Variants in MADD observed in about 807,000 individuals in gnomAD.
MADD encodes the protein MAP kinase activating death domain, also known as MAP kinase-activating death domain protein.
Under a neutral mutation model 176.7 loss-of-function variants are expected in MADD, and 109 were observed. The ratio of observed to expected loss-of-function variants is 0.62; its 90% CI spans 0.53 to 0.72. The LOEUF is 0.72. Ranked by LOEUF, MADD falls within the 30% of genes least tolerant of loss-of-function variation. MADD has a pLI of 0.00. For synonymous variants in MADD, 771 were observed against 771.3 expected, an observed-to-expected ratio of 1.00 and a Z score of 0.01; for missense variants, 1,914 against 2,045.5, an observed-to-expected ratio of 0.94 and a Z score of 1.24.
intron 22 of MADD, among the ~76,000 whole-genome samples, chr11:47,301,258 G>A (rs899828570): frequency 6.6e-6 from 1 of 151,754 alleles, no homozygotes; most frequent in African/African-American, 2.4e-5. Context: ...GATTACAGGT[G>A]CCCACCACCA....
intron 25 of MADD, among the ~76,000 whole-genome samples, chr11:47,311,388 A>G (rs1223543178): frequency 6.6e-6 from 1 of 152,134 alleles, no homozygotes; most frequent in African/African-American, 2.4e-5. Flanking sequence ...ACTCTAAGTC[A>G]TTGTTTCTGA....
chr11:47,301,029 T>TC (rs1229435979), intron 22 of MADD, among the ~76,000 whole-genome samples: 35 of 140,612 alleles, frequency 2.5e-4, no homozygotes, highest in African/African-American at 9.3e-4. Context: ...ACTCTCTCTC[T>TC]TTTTTTTTTT....
At chr11:47,277,539 C>T (rs1003377108) in intron 5 of MADD, among the ~76,000 whole-genome samples, 4 of 152,164 alleles carry the variant, frequency 2.6e-5, no homozygotes, top group African/African-American at 7.2e-5. Context: ...TTAGGTGATC[C>T]GCCTGCCTCA....
intron 7 of MADD, among the ~76,000 whole-genome samples, chr11:47,280,584 A>G (rs1210070095): frequency 6.6e-6 from 1 of 152,140 alleles, no homozygotes; most frequent in Non-Finnish European, 1.5e-5. Flanking sequence ...ATTTATTTTG[A>G]GATGGAGTCC....
At chr11:47,318,877 G>C (rs866273991) in intron 27 of MADD, among the ~76,000 whole-genome samples, 9 of 128,626 alleles carry the variant, frequency 7.0e-5, no homozygotes, top group South Asian at 5.1e-4. Flanking sequence ...GTACAATCTT[G>C]GTTCACTGCA....
In MADD at chr11:47,324,331, A is replaced by T; in HGVS notation, c.4429A>T (p.Lys1477Ter). Residue 1477 changes from lysine (K) to a stop codon, truncating the protein, a stop_gained, in exon 29 of 33, where the codon AAA becomes TAA. Transcript: ENST00000402192. LOFTEE classifies it high-confidence loss of function. ...CGCTGCCGCCCGACAGCAAAGCATC[A>T]AACCCGGTGAGGAGAGTTTTTCCTG... 1 of 1,614,178 alleles carries T rather than the reference A, an allele frequency of 6.2e-7. No individual in the cohort carries two copies. The highest frequency in any genetic ancestry group is 8.5e-7 in the Non-Finnish European group (1 of 1,180,020).
At chr11:47,322,762 T>C (rs1018577066) in intron 27 of MADD, among the ~76,000 whole-genome samples, 7 of 152,234 alleles carry the variant, frequency 4.6e-5, no homozygotes, top group Non-Finnish European at 8.8e-5. Flanking sequence ...TTTTTAAAAA[T>C]ATTTTTATAG....
At chr11:47,270,381 G>C (rs964822291) in intron 1 of MADD, 135 bp downstream of exon 1, 2 of 151,660 alleles carry the variant, frequency 1.3e-5, no homozygotes, top group African/African-American at 4.8e-5. Flanking sequence ...GAAGGGGCGT[G>C]GGGACGGGGG....
Position 47,284,431 on chromosome 11 carries a change from G to C in MADD, c.2023G>C (p.Glu675Gln), listed in dbSNP as rs142457717. The change falls in exon 12 of 33, where the codon GAG becomes CAG. Residue 675 changes from glutamate (E) to glutamine (Q), a missense_variant. By Grantham distance (29) the Glu-to-Gln change is conservative. Around this residue, in one of 2 missense-constraint regions of MADD, gnomAD observed 1,767 missense variants for 1,836.0 expected, o/e 0.96. Coordinates refer to ENST00000402192, the Ensembl canonical transcript of MADD. ...GGATGCCAGCGAGGTGGAGATTGAC[G>C]AGCTGCAGAATCAGAAGGAAGCAGA... The C allele has an allele frequency of 3.7e-6, 6 of 1,614,108 alleles. No homozygotes were observed. The South Asian group carries it at 6.6e-5, about 18-fold the overall frequency.
rs555779294 is a variant in MADD, at chr11:47,288,286, C to G, written c.2654-1105C>G. 3.3e-5 allele frequency among the ~76,000 whole-genome samples: 5 copies of G among 152,262 alleles called. No homozygotes were observed. The South Asian group carries it at 1.0e-3, about 32-fold the overall frequency. On this transcript the variant is annotated intron_variant, in intron 15 of 32. Transcript: ENST00000402192. ...CCTGGACGACAGAGTGAAACCCTGT[C>G]TCTAAAAGAAGCCAACAGAAACAAA...
At chr11:47,327,031 T>A (rs1386416584) in intron 31 of MADD, 1 of 1,304,080 alleles carries the variant, frequency 7.7e-7, no homozygotes, top group Non-Finnish European at 9.8e-7. Flanking sequence ...CTCAGGTGGG[T>A]TTCGAGTTTA....
chr11:47,307,268 C>A (rs139601176), intron 22 of MADD, among the ~76,000 whole-genome samples: 74 of 152,118 alleles, frequency 4.9e-4, no homozygotes, highest in African/African-American at 1.7e-3. Context: ...GTTTTAATTC[C>A]AAATGTATTA....
chr11:47,311,565 T>C (rs1019947490), intron 25 of MADD, among the ~76,000 whole-genome samples, 167 bp from the exon 29 acceptor site: 1 of 152,188 alleles, frequency 6.6e-6, no homozygotes, highest in Admixed American at 6.5e-5. Flanking sequence ...CTTCCCCTCA[T>C]GGTGGCAGAA....
At chr11:47,281,023 G>T (rs1202446762) in intron 7 of MADD, among the ~76,000 whole-genome samples, 1 of 152,176 alleles carries the variant, frequency 6.6e-6, no homozygotes, top group Non-Finnish European at 1.5e-5. Flanking sequence ...ATTGAATCGG[G>T]ATCTGCATTT....
rs201340507 is a variant in MADD at position 47,276,218 on chromosome 11, C to T, written c.963+16C>T. ...AGAGCACAAGGTGAGAGGCAAGCTT[C>T]CTAGACCTTTCTAGGGGAGAAACTC... is the stretch of plus-strand genomic sequence containing the variant. On this transcript the variant is annotated intron_variant, in intron 4 of 32. Coordinates refer to ENST00000402192, the Ensembl canonical transcript of MADD. 3 of 1,584,294 alleles carry T rather than the reference C, an allele frequency of 1.9e-6. No homozygotes were observed. Among genetic ancestry groups the T allele is most frequent in the Middle Eastern group, 1.7e-4 (1 of 5,922 alleles).
chr11:47,289,824 CA>C, intron 16 of MADD, 42 bp from the exon 18 acceptor site: 1 of 1,605,078 alleles, frequency 6.2e-7, no homozygotes, highest in African/African-American at 1.3e-5. Context: ...GGGTGCTCTG[CA>C]AAGGAGCTGA....
chr11:47,310,693 G>T (rs2087925092), intron 25 of MADD, among the ~76,000 whole-genome samples: 1 of 101,258 alleles, frequency 9.9e-6, no homozygotes, highest in African/African-American at 3.9e-5. Flanking sequence ...ATCACCTGAG[G>T]TCAGGAGTTC....
At chr11:47,300,885 G>A (rs1424756629) in intron 22 of MADD, among the ~76,000 whole-genome samples, 1 of 152,016 alleles carries the variant, frequency 6.6e-6, no homozygotes, top group Non-Finnish European at 1.5e-5. Context: ...TTGGTAGGTT[G>A]TCTATGTCTA....
exon 28 of MADD, chr11:47,323,783 T>C (rs1222733778): frequency 6.2e-7 from 1 of 1,614,170 alleles, no homozygotes; most frequent in South Asian, 1.1e-5. Flanking sequence ...GTGTTGTGCT[T>C]GTGGCGTAGA....
Sources: allele counts gnomAD v4.1 joint callset (sites outside exome capture counted in the v4.1 genomes callset), GRCh38; gene constraint gnomAD v4.1.1; regional missense constraint gnomAD v4.1.1; transcripts MANE v1.5; gene names NCBI Gene and HGNC (gene_info 2026-07-23, HGNC 2026-07-21).